BLTP1: variants seen among roughly 807,000 people sequenced by gnomAD.
The protein encoded by BLTP1 is fragile site-associated protein.
the BLTP1 span, among the ~76,000 whole-genome samples, chr4:122,160,444 CT>C: frequency 6.6e-6 from 1 of 152,104 alleles, no homozygotes; most frequent in Non-Finnish European, 1.5e-5. Context: ...TAATGTCAAC[CT>C]TTTTATACAT....
At chr4:122,327,098 G>GTT in the BLTP1 span, among the ~76,000 whole-genome samples, 1 of 55,848 alleles carries the variant, frequency 1.8e-5, no homozygotes, top group East Asian at 6.4e-4. Context: ...GTCATAGGGG[G>GTT]GTGTTTTGTT....
chr4:122,315,328 C>A, the BLTP1 span: 1 of 1,163,672 alleles, frequency 8.6e-7, no homozygotes. Context: ...GAAATCAATC[C>A]TGTAGTCTGA....
the BLTP1 span, chr4:122,313,801 ATT>A: frequency 3.6e-6 from 2 of 562,416 alleles, no homozygotes; most frequent in South Asian, 7.4e-5. Context: ...AAAAAAAACT[ATT>A]TTGTATTAGA....
At chr4:122,187,642 T>TG in the BLTP1 span, 1 of 929,250 alleles carries the variant, frequency 1.1e-6, no homozygotes, top group Non-Finnish European at 1.6e-6. Context: ...CATTTCTGTA[T>TG]AGTGTGAGTG....
At chr4:122,193,719 G>A in the BLTP1 span, 1 of 904,840 alleles carries the variant, frequency 1.1e-6, no homozygotes, top group Non-Finnish European at 1.3e-6. Flanking sequence ...TACAAGCCAA[G>A]TCGTTCACTT....
chr4:122,161,179 T>A, the BLTP1 span: 1 of 961,198 alleles, frequency 1.0e-6, no homozygotes, highest in African/African-American at 1.8e-5. Context: ...AAGACTTTAA[T>A]ATAATGGTGT....
chr4:122,248,627 T>C, the BLTP1 span, among the ~76,000 whole-genome samples: 1 of 151,966 alleles, frequency 6.6e-6, no homozygotes, highest in African/African-American at 2.4e-5. Flanking sequence ...AATGAGAAAA[T>C]TATAGGAAAA....
chr4:122,254,694 G>T, the BLTP1 span: 1 of 1,237,268 alleles, frequency 8.1e-7, no homozygotes, highest in Non-Finnish European at 1.0e-6. Context: ...AAAAAGAAAA[G>T]AAATTAATTT....
At chr4:122,354,364 C>T in the BLTP1 span, among the ~76,000 whole-genome samples, 1 of 151,862 alleles carries the variant, frequency 6.6e-6, no homozygotes, top group Non-Finnish European at 1.5e-5. Flanking sequence ...GAGGTTGTTA[C>T]ACAACTAAAT....
At chr4:122,206,463 A>G in the BLTP1 span, among the ~76,000 whole-genome samples, 2 of 152,056 alleles carry the variant, frequency 1.3e-5, no homozygotes, top group East Asian at 1.9e-4. Flanking sequence ...TGCAATTTAT[A>G]ATAGTCTTGA....
the BLTP1 span, among the ~76,000 whole-genome samples, chr4:122,186,753 A>C: frequency 2.6e-5 from 4 of 152,066 alleles, no homozygotes; most frequent in Non-Finnish European, 4.4e-5. Context: ...GCAAACTTAG[A>C]CCTATACTAT....
the BLTP1 span, among the ~76,000 whole-genome samples, chr4:122,324,074 G>A: frequency 7.2e-5 from 11 of 151,882 alleles, no homozygotes; most frequent in South Asian, 2.1e-4. Context: ...CCACTGCCCC[G>A]AACTTAGCTT....
At chr4:122,215,835 C>T in the BLTP1 span, among the ~76,000 whole-genome samples, 5 of 141,326 alleles carry the variant, frequency 3.5e-5, no homozygotes, top group Non-Finnish European at 7.4e-5. Context: ...TTATCCCTCA[C>T]CCCCCCCATC....
At chr4:122,231,039 A>G in the BLTP1 span, among the ~76,000 whole-genome samples, 1 of 152,168 alleles carries the variant, frequency 6.6e-6, no homozygotes, top group Non-Finnish European at 1.5e-5. Flanking sequence ...AAGACAAAAC[A>G]TGTTTTATTT....
At chr4:122,175,858 A>T in the BLTP1 span, 1 of 1,580,844 alleles carries the variant, frequency 6.3e-7, no homozygotes, top group Non-Finnish European at 8.7e-7. Flanking sequence ...AGGATTCAAG[A>T]TGGATTCATC....
At chr4:122,212,021 A>G in the BLTP1 span, 1 of 980,082 alleles carries the variant, frequency 1.0e-6, no homozygotes, top group Admixed American at 6.2e-5. Flanking sequence ...CACTTTGGAT[A>G]TCGAATACCT....
chr4:122,207,266 G>C, the BLTP1 span: 1 of 1,596,982 alleles, frequency 6.3e-7, no homozygotes, highest in East Asian at 2.2e-5. Context: ...CAGGAAAATG[G>C]TAAGACATTA....
chr4:122,279,883 C>T, the BLTP1 span: 1 of 1,614,104 alleles, frequency 6.2e-7, no homozygotes. Context: ...TCAGTATCAA[C>T]ATTCCTCAGC....
At chr4:122,206,269 A>G in the BLTP1 span, 1 of 172,094 alleles carries the variant, frequency 5.8e-6, no homozygotes, top group Admixed American at 6.5e-5. Flanking sequence ...TTGTTCAGCC[A>G]TGCTTGTAGT....
Sources: gnomAD v4.1 joint callset for allele counts (sites outside exome capture counted in the v4.1 genomes callset) on GRCh38, gnomAD v4.1.1 for gene constraint, MANE v1.5 for transcripts, NCBI Gene and HGNC (gene_info 2026-07-23, HGNC 2026-07-21) for gene names.